GPC5: variants seen among roughly 807,000 people sequenced by gnomAD.
GPC5 encodes glypican 5, also known as glypican-5.
GPC5 carries 47 observed loss-of-function variants against 53.9 expected under a neutral mutation model. The observed-to-expected ratio is 0.87, with a 90% confidence interval of 0.69 to 1.11. The LOEUF is 1.11. Among genes scored for constraint, GPC5 ranks in the 50% most tolerant of loss-of-function variants. GPC5 has a pLI of 0.00. For missense variants in GPC5, 748 were observed against 713.1 expected, an observed-to-expected ratio of 1.05 and a Z score of -0.56; for synonymous variants, 286 against 263.3, an observed-to-expected ratio of 1.09 and a Z score of -0.84.
intron 7 of GPC5, among the ~76,000 whole-genome samples, chr13:92,333,255 C>A (rs1178362728): frequency 6.6e-6 from 1 of 152,136 alleles, no homozygotes; most frequent in East Asian, 1.9e-4. Context: ...AAAGTCTCCT[C>A]ATCGTTCTGG....
At chr13:91,986,061 C>CTTTTTTTTTTTTTTTTT (rs779259362) in intron 6 of GPC5, among the ~76,000 whole-genome samples, 2 of 95,438 alleles carry the variant, frequency 2.1e-5, no homozygotes, top group Non-Finnish European at 3.8e-5. Flanking sequence ...TTAGCCAATA[C>CTTTTTTTTTTTTTTTTT]TTTTTTTTTT....
At position 92,387,064 on chromosome 13, in the gene GPC5, T is replaced by C. The variant is rs571385535; in HGVS notation, c.1561+242075T>C. Among the ~76,000 whole-genome samples, 8 of 152,204 alleles carry C rather than the reference T, an allele frequency of 5.3e-5. No individual in the cohort carries two copies. The South Asian group carries it at 1.7e-3, about 32-fold the overall frequency. On this transcript the variant is annotated intron_variant, in intron 7 of 7. Coordinates refer to ENST00000377067, the MANE Select transcript of GPC5 (RefSeq NM_004466.6). Reference sequence around the variant, plus strand: ...CCTAACATCAAATTTTCATTGAAGATCATGTGCTGCATGACCTATACAGAT... The same window carrying C: ...CCTAACATCAAATTTTCATTGAAGACCATGTGCTGCATGACCTATACAGAT...
intron 7 of GPC5, among the ~76,000 whole-genome samples, chr13:92,304,162 C>CA (rs745901422): frequency 4.3e-4 from 65 of 151,570 alleles, no homozygotes; most frequent in Admixed American, 1.1e-3. Flanking sequence ...AATGGGCTCT[C>CA]AAAAAATGTA....
chr13:91,555,479 A>C (rs1057372835), intron 2 of GPC5, among the ~76,000 whole-genome samples: 1 of 151,968 alleles, frequency 6.6e-6, no homozygotes, highest in African/African-American at 2.4e-5. Context: ...GAGTACAGAG[A>C]TCCACCATTT....
At chr13:91,614,103 G>A (rs538529640) in intron 2 of GPC5, among the ~76,000 whole-genome samples, 2 of 152,328 alleles carry the variant, frequency 1.3e-5, no homozygotes, top group African/African-American at 4.8e-5. Flanking sequence ...AAGAGCAGTT[G>A]CATTTGAATT....
chr13:92,023,330 A>T (rs1411938349), intron 6 of GPC5, among the ~76,000 whole-genome samples: 1 of 152,090 alleles, frequency 6.6e-6, no homozygotes, highest in African/African-American at 2.4e-5. Context: ...AATTTTTCCA[A>T]GTAAAATTTT....
At chr13:91,732,702 G>T (rs1400194559) in intron 4 of GPC5, among the ~76,000 whole-genome samples, 2 of 152,028 alleles carry the variant, frequency 1.3e-5, no homozygotes, top group African/African-American at 4.8e-5. Context: ...TTTTATATAG[G>T]GTGTAAGGAA....
At chr13:91,950,748 TG>T (rs1429335590) in intron 6 of GPC5, among the ~76,000 whole-genome samples, 1 of 152,224 alleles carries the variant, frequency 6.6e-6, no homozygotes, top group Non-Finnish European at 1.5e-5. Flanking sequence ...ATTTGCTATA[TG>T]CCAATAGCTC....
rs182197073 is a variant in GPC5 at position 91,617,372 on chromosome 13, C to T, written c.326-75815C>T. Among the ~76,000 whole-genome samples, 26 of 152,064 alleles carry T rather than the reference C, an allele frequency of 1.7e-4. No individual in the cohort carries two copies. The East Asian group carries it at 3.5e-3, about 20-fold the overall frequency. ...ATTTCACCAGTCAGAAAAGTGACCACGGGAGTCTGGGTGGCAGAAGGATGT... is the reference window on the plus strand; with the variant it reads ...ATTTCACCAGTCAGAAAAGTGACCATGGGAGTCTGGGTGGCAGAAGGATGT... On this transcript the variant is annotated intron_variant, in intron 2 of 7. Transcript: ENST00000377067.
intron 6 of GPC5, among the ~76,000 whole-genome samples, chr13:92,042,342 T>C (rs2138825721): frequency 6.6e-6 from 1 of 152,218 alleles, no homozygotes; most frequent in East Asian, 1.9e-4. Flanking sequence ...GGAACCGTGA[T>C]AGCACCAGGG....
At chr13:92,429,383 AAAT>A (rs530186563) in intron 7 of GPC5, among the ~76,000 whole-genome samples, 10 of 151,896 alleles carry the variant, frequency 6.6e-5, no homozygotes, top group African/African-American at 1.9e-4. Flanking sequence ...AGAAAAATGG[AAAT>A]AATAATAATA....
intron 7 of GPC5, among the ~76,000 whole-genome samples, chr13:92,365,663 T>TC (rs2139287421): frequency 6.6e-6 from 1 of 151,492 alleles, no homozygotes; most frequent in East Asian, 1.9e-4. Context: ...TTTTTTCTTT[T>TC]CTTTTTTTTT....
At chr13:92,562,369 T>C (rs916413539) in intron 7 of GPC5, among the ~76,000 whole-genome samples, 4 of 152,084 alleles carry the variant, frequency 2.6e-5, no homozygotes, top group African/African-American at 9.7e-5. Context: ...TCAGTCCTTC[T>C]GGTGCCTATT....
chr13:92,490,857 A>C (rs1879733320), intron 7 of GPC5, among the ~76,000 whole-genome samples: 1 of 152,126 alleles, frequency 6.6e-6, no homozygotes, highest in Admixed American at 6.5e-5. Flanking sequence ...AATAAATCCA[A>C]GCTAATTATT....
At chr13:92,457,493 T>G (rs1198409776) in intron 7 of GPC5, among the ~76,000 whole-genome samples, 1 of 152,132 alleles carries the variant, frequency 6.6e-6, no homozygotes, top group African/African-American at 2.4e-5. Context: ...TTGTCCCCTA[T>G]TGAAAATCAT....
chr13:92,474,151 T>G (rs1594232326), intron 7 of GPC5, among the ~76,000 whole-genome samples: 2 of 144,158 alleles, frequency 1.4e-5, no homozygotes, highest in African/African-American at 5.5e-5. Context: ...TGATCTGTTT[T>G]TTTTTTTTTC....
At chr13:91,857,066 G>A (rs1234831519) in intron 5 of GPC5, among the ~76,000 whole-genome samples, 1 of 150,880 alleles carries the variant, frequency 6.6e-6, no homozygotes, top group East Asian at 1.9e-4. Context: ...GACCAAATAT[G>A]TATTTGTATA....
At chr13:92,244,269 C>T (rs2042634473) in intron 7 of GPC5, among the ~76,000 whole-genome samples, 2 of 152,116 alleles carry the variant, frequency 1.3e-5, no homozygotes, top group African/African-American at 4.8e-5. Context: ...AATGTCCCGG[C>T]ATTGATTTTA....
intron 7 of GPC5, among the ~76,000 whole-genome samples, chr13:92,221,825 T>C (rs2042451316): frequency 6.6e-6 from 1 of 152,042 alleles, no homozygotes; most frequent in Non-Finnish European, 1.5e-5. Flanking sequence ...TCAAGAACAA[T>C]TACGTTCTTG....
Sources: gnomAD v4.1 joint callset for allele counts (sites outside exome capture counted in the v4.1 genomes callset) on GRCh38, gnomAD v4.1.1 for gene constraint, MANE v1.5 for transcripts, NCBI Gene and HGNC (gene_info 2026-07-23, HGNC 2026-07-21) for gene names.